IGFBP7: variants seen among roughly 807,000 people sequenced by gnomAD.
IGFBP7 encodes insulin like growth factor binding protein 7.
Under a neutral mutation model 29.4 loss-of-function variants are expected in IGFBP7, and 31 were observed. The ratio of observed to expected loss-of-function variants is 1.05; its 90% CI spans 0.79 to 1.42. IGFBP7 has a LOEUF of 1.42. Among genes scored for constraint, IGFBP7 ranks in the 40% most tolerant of loss-of-function variants. The pLI is 0.00. For synonymous variants in IGFBP7, 172 were observed against 174.9 expected, an observed-to-expected ratio of 0.98 and a Z score of 0.13; for missense variants, 393 against 395.5, an observed-to-expected ratio of 0.99 and a Z score of 0.05.
chr4:57,076,334 C>T (rs1164641447), intron 1 of IGFBP7, among the ~76,000 whole-genome samples: 2 of 152,168 alleles, frequency 1.3e-5, no homozygotes, highest in African/African-American at 4.8e-5. Context: ...AACCAACGTA[C>T]CAAGGAATTC....
intron 3 of IGFBP7, 21 bp from the exon 4 acceptor site, chr4:57,032,573 A>C: frequency 6.3e-7 from 1 of 1,576,476 alleles, no homozygotes; most frequent in East Asian, 2.2e-5. Context: ...AAAAAGATCT[A>C]GTATTCCTCT....
intron 1 of IGFBP7, among the ~76,000 whole-genome samples, chr4:57,109,610 T>C (rs919469793): frequency 2.0e-5 from 3 of 152,214 alleles, no homozygotes; most frequent in African/African-American, 7.2e-5. Flanking sequence ...TCGGAAAATC[T>C]TTTCTACATA....
chr4:57,048,635 T>C (rs1724425886), intron 1 of IGFBP7, among the ~76,000 whole-genome samples: 1 of 152,202 alleles, frequency 6.6e-6, no homozygotes, highest in African/African-American at 2.4e-5. Context: ...TGATTTTATA[T>C]AAAGTCTTGG....
chr4:57,109,618 A>G, intron 1 of IGFBP7: 1 of 540,030 alleles, frequency 1.9e-6, no homozygotes, highest in Non-Finnish European at 3.2e-6. Flanking sequence ...TCTTTTCTAC[A>G]TATACACCCG....
At chr4:57,044,626 T>C (rs1724314631) in intron 1 of IGFBP7, among the ~76,000 whole-genome samples, 1 of 152,232 alleles carries the variant, frequency 6.6e-6, no homozygotes, top group South Asian at 2.1e-4. Flanking sequence ...TTTTTCCTAA[T>C]GAATCATAAT....
In IGFBP7 at chr4:57,084,788, G is replaced by GTTTTTTTTTTTTTTTT. The variant is rs57704332; in HGVS notation, c.475+25073_475+25088dup. 5.3e-5 allele frequency among the ~76,000 whole-genome samples: 6 copies of GTTTTTTTTTTTTTTTT among 113,104 alleles called. 1 individual carries two copies. Among genetic ancestry groups the GTTTTTTTTTTTTTTTT allele is most frequent in the Non-Finnish European group, 8.6e-5 (5 of 58,094 alleles). 74.2% of individuals were successfully genotyped at this position (113,104 alleles called of 152,430 possible). On this transcript the variant is annotated intron_variant, in intron 1 of 4. Transcript: ENST00000295666. ...CTTTTTACTCAGATGTTTAAAAAAG[G>GTTTTTTTTTTTTTTTT]TTTTTTTTTTTTTTTTTTTTGGGAC...
intron 1 of IGFBP7, among the ~76,000 whole-genome samples, chr4:57,108,938 G>A (rs1726102456): frequency 6.6e-6 from 1 of 152,114 alleles, no homozygotes; most frequent in Non-Finnish European, 1.5e-5. Context: ...GCTGAACAGT[G>A]TATCCTGGGG....
intron 1 of IGFBP7, among the ~76,000 whole-genome samples, chr4:57,053,019 CT>C (rs60116761): frequency 0.19 from 26,698 of 140,914 alleles, 2,688 homozygotes; most frequent in Middle Eastern, 0.31. Flanking sequence ...TCTTTTCTAT[CT>C]TTTTTTTTTT....
intron 2 of IGFBP7, among the ~76,000 whole-genome samples, chr4:57,038,353 C>G (rs1299736876): frequency 6.6e-6 from 1 of 152,186 alleles, no homozygotes; most frequent in Non-Finnish European, 1.5e-5. Context: ...CTTTCTGAAG[C>G]AGAAGAAAAT....
chr4:57,055,925 T>C (rs1247591653), intron 1 of IGFBP7, among the ~76,000 whole-genome samples: 1 of 152,116 alleles, frequency 6.6e-6, no homozygotes, highest in Non-Finnish European at 1.5e-5. Flanking sequence ...AATAGCCCCC[T>C]TCAGACTTCC....
In IGFBP7 at chr4:57,098,601, C is replaced by T. The variant is rs1053080779; in HGVS notation, c.475+11276G>A. Among the ~76,000 whole-genome samples, 6 of 152,312 alleles carry T rather than the reference C, an allele frequency of 3.9e-5. No individual in the cohort carries two copies. In the South Asian group the frequency reaches 8.3e-4, roughly 21 times the overall value. The stretch of plus-strand genomic sequence containing the variant: ...CAGAGCAGAGAGGGGCCTCTGGCTC[C>T]GAAGCCCTGGCCTGTCAAATATCTG... On this transcript the variant is annotated intron_variant, in intron 1 of 4. Transcript: ENST00000295666.
At chr4:57,046,835 C>A (rs1462259973) in intron 1 of IGFBP7, among the ~76,000 whole-genome samples, 2 of 152,206 alleles carry the variant, frequency 1.3e-5, no homozygotes, top group African/African-American at 4.8e-5. Context: ...GGTGGACTAC[C>A]TACATTTTTC....
intron 1 of IGFBP7, among the ~76,000 whole-genome samples, chr4:57,049,536 A>G (rs923505864): frequency 6.6e-6 from 1 of 151,808 alleles, no homozygotes; most frequent in African/African-American, 2.4e-5. Context: ...CCCTCCTCTT[A>G]TTTCTTATCA....
chr4:57,072,923 G>T (rs1385086404), intron 1 of IGFBP7: 1 of 735,840 alleles, frequency 1.4e-6, no homozygotes, highest in South Asian at 1.3e-5. Context: ...GGACACCCAG[G>T]GTAATATCTG....
intron 1 of IGFBP7, among the ~76,000 whole-genome samples, chr4:57,076,208 C>G (rs1404837618): frequency 6.6e-6 from 1 of 152,166 alleles, no homozygotes; most frequent in Non-Finnish European, 1.5e-5. Context: ...CACACTAATC[C>G]CATTCACCTC....
Position 57,031,137 on chromosome 4 carries a change from T to C in IGFBP7, c.*180A>G, listed in dbSNP as rs558726235. 7.6e-5 allele frequency: 54 copies of C among 712,670 alleles called. No individual in the cohort carries two copies. The East Asian group carries it at 1.4e-3, about 18-fold the overall frequency. 44.1% of individuals were successfully genotyped at this position (712,670 alleles called of 1,614,324 possible). On this transcript the variant is annotated 3_prime_UTR_variant, in exon 5 of 5. Transcript: ENST00000295666. ...TGCATGCTTTTCTTCTGTAAATATATAATAAATTTTTGTAGATAGTCTTGA... is the reference window on the plus strand; with the variant it reads ...TGCATGCTTTTCTTCTGTAAATATACAATAAATTTTTGTAGATAGTCTTGA...
intron 1 of IGFBP7, among the ~76,000 whole-genome samples, chr4:57,056,592 G>C: frequency 6.6e-6 from 1 of 152,198 alleles, no homozygotes; most frequent in African/African-American, 2.4e-5. Context: ...CTGATCACAG[G>C]AGAGGAGGAC....
intron 1 of IGFBP7, among the ~76,000 whole-genome samples, chr4:57,056,663 C>T (rs756169245): frequency 1.4e-4 from 22 of 152,194 alleles, no homozygotes; most frequent in African/African-American, 5.1e-4. Flanking sequence ...AGGCAAGTCA[C>T]CCTTGCTTTT....
In IGFBP7 at chr4:57,032,549, A is replaced by G. The variant is rs1260203199; in HGVS notation, c.706T>C (p.Ser236Pro). Reference sequence around the variant, plus strand: ...CCAGCATCTTCCTTACTTAGAGGAGATACCTGTGAAAGAAAAAAGATCTAG... The same window carrying G: ...CCAGCATCTTCCTTACTTAGAGGAGGTACCTGTGAAAGAAAAAAGATCTAG... The part of the protein sequence containing the change: ...KHEVTGWVLV[S>P]PLSKEDAGEY... Residue 236 changes from serine (S) to proline (P), a missense_variant, in exon 4 of 5, where the codon TCT becomes CCT. Physicochemically the swap from Ser to Pro is moderately conservative, Grantham distance 74. Transcript: ENST00000295666. 1 of 1,612,176 alleles carries G rather than the reference A, an allele frequency of 6.2e-7. No individual in the cohort carries two copies. The highest frequency in any genetic ancestry group is 8.5e-7 in the Non-Finnish European group (1 of 1,178,232).
Sources: allele counts gnomAD v4.1 joint callset (sites outside exome capture counted in the v4.1 genomes callset), GRCh38; gene constraint gnomAD v4.1.1; transcripts MANE v1.5; gene names NCBI Gene and HGNC (gene_info 2026-07-23, HGNC 2026-07-21).